The following NPNT variants were observed in gnomAD, a reference collection of about 807,000 sequenced individuals.
NPNT encodes the protein preosteoblast EGF-like repeat protein with MAM domain.
A neutral mutation model predicts 68.6 loss-of-function variants in NPNT; 45 were observed. That is an observed-to-expected ratio of 0.66 (90% CI 0.52 to 0.84). The LOEUF (loss-of-function observed/expected upper bound fraction) is 0.84, where lower values mean the gene tolerates loss of function less well. NPNT is among the 40% of genes least tolerant of loss of function. The probability of loss-of-function intolerance (pLI) is 0.00; values close to 1 mark genes in which losing one functional copy is unlikely to be tolerated. For missense variants in NPNT, 672 were observed against 714.8 expected, an observed-to-expected ratio of 0.94 and a Z score of 0.68; for synonymous variants, 233 against 253.3, an observed-to-expected ratio of 0.92 and a Z score of 0.76.
At chr4:105,941,714 A>G (rs1390376431) in intron 7 of NPNT, among the ~76,000 whole-genome samples, 2 of 152,202 alleles carry the variant, frequency 1.3e-5, no homozygotes, top group Non-Finnish European at 2.9e-5. Flanking sequence ...GAAAATGTCT[A>G]TTTAAAAGCA....
Position 105,897,952 on chromosome 4 carries a change from G to T in NPNT, c.123G>T (p.Arg41Ser). The T allele has an allele frequency of 6.2e-7, 1 of 1,613,624 alleles. No individual in the cohort carries two copies. The highest frequency in any genetic ancestry group is 8.5e-7 in the Non-Finnish European group (1 of 1,179,850). The change falls in exon 2 of 12, where the codon AGG becomes AGT. Residue 41 changes from arginine (R) to serine (S), a missense_variant. Transcript: ENST00000379987. ...TTGGCCTATGTCGTTATGGTGGGAGGATTGACTGCTGCTGGGGCTGGGCTC... is the reference window on the plus strand; with the variant it reads ...TTGGCCTATGTCGTTATGGTGGGAGTATTGACTGCTGCTGGGGCTGGGCTC... ...SSIGLCRYGG[R>S]IDCCWGWARQ...
At chr4:105,953,515 A>T (rs1297874585) in intron 8 of NPNT, among the ~76,000 whole-genome samples, 1 of 152,164 alleles carries the variant, frequency 6.6e-6, no homozygotes, top group Non-Finnish European at 1.5e-5. Context: ...AATTTCAGAA[A>T]CTAATTTCCA....
chr4:105,931,748 G>T (rs1729128147), intron 3 of NPNT, among the ~76,000 whole-genome samples: 1 of 151,916 alleles, frequency 6.6e-6, no homozygotes, highest in Non-Finnish European at 1.5e-5. Context: ...GCTGTGGCAG[G>T]AGAATGGTGT....
At chr4:105,920,001 T>C (rs1728124515) in intron 2 of NPNT, among the ~76,000 whole-genome samples, 2 of 152,076 alleles carry the variant, frequency 1.3e-5, no homozygotes, top group South Asian at 4.1e-4. Flanking sequence ...GATTGTAAAG[T>C]TCTGTTTTTC....
intron 2 of NPNT, among the ~76,000 whole-genome samples, chr4:105,899,764 TA>T (rs1394917621): frequency 6.6e-6 from 1 of 152,264 alleles, no homozygotes; most frequent in Admixed American, 6.5e-5. Context: ...GGTGAGGTTG[TA>T]AAAATTAGCT....
At chr4:105,918,049 C>CT (rs1727959432) in intron 2 of NPNT, among the ~76,000 whole-genome samples, 1 of 152,180 alleles carries the variant, frequency 6.6e-6, no homozygotes, top group South Asian at 2.1e-4. Flanking sequence ...CACAGAAAGA[C>CT]TGTTGTGCCA....
chr4:105,897,897 G>A lies in NPNT; in HGVS notation c.72-4G>A, dbSNP rs201921607. 5.6e-6 allele frequency: 9 copies of A among 1,602,952 alleles called. No homozygotes were observed. In the East Asian group the frequency reaches 1.8e-4, roughly 32 times the overall value. On this transcript the variant is annotated splice_region_variant and splice_polypyrimidine_tract_variant and intron_variant, in intron 1 of 11. Transcript: ENST00000379987. ...TATTTATTTTGAATCTTTTTTTTTG[G>A]TAGGTGGCCCAGGCAAATAGTGTCA...
At chr4:105,919,169 T>A (rs570725331) in intron 2 of NPNT, among the ~76,000 whole-genome samples, 1 of 152,284 alleles carries the variant, frequency 6.6e-6, no homozygotes, top group East Asian at 1.9e-4. Context: ...AAAAAAATTT[T>A]AAATCCACAG....
chr4:105,905,813 G>A (rs982367712), intron 2 of NPNT, among the ~76,000 whole-genome samples: 1 of 152,104 alleles, frequency 6.6e-6, no homozygotes, highest in African/African-American at 2.4e-5. Flanking sequence ...AGTAATTGAA[G>A]AGGTTTCATT....
At chr4:105,898,758 G>T (rs1336349197) in intron 2 of NPNT, among the ~76,000 whole-genome samples, 2 of 152,118 alleles carry the variant, frequency 1.3e-5, no homozygotes, top group African/African-American at 4.8e-5. Flanking sequence ...TACATCAAAA[G>T]AGTTTGAGAA....
At chr4:105,928,310 T>G (rs1253329209) in intron 3 of NPNT, among the ~76,000 whole-genome samples, 1 of 152,156 alleles carries the variant, frequency 6.6e-6, no homozygotes, top group Non-Finnish European at 1.5e-5. Context: ...TTAATTAAAT[T>G]CAGTTAAAAA....
intron 1 of NPNT, among the ~76,000 whole-genome samples, chr4:105,896,583 A>G (rs562692127): frequency 6.6e-6 from 1 of 152,268 alleles, no homozygotes; most frequent in South Asian, 2.1e-4. Context: ...ACTCTGGCGC[A>G]CACCGTCGCC....
chr4:105,895,894 C>G lies in NPNT; in HGVS notation c.71+171C>G, dbSNP rs575206476. 6.5e-5 allele frequency: 40 copies of G among 611,166 alleles called. No individual in the cohort carries two copies. The South Asian group carries it at 8.0e-4, about 12-fold the overall frequency. 37.9% of individuals were successfully genotyped at this position (611,166 alleles called of 1,614,324 possible). A position where few individuals can be genotyped will look rare whatever the true frequency, so the allele number is the denominator to read the frequency against. ...GAGAGCGGTCCAGCGGCTCCGAGTG[C>G]CCGCCCGAGGCGGAGAGGGCGCGCC... On this transcript the variant is annotated intron_variant, in intron 1 of 11. Coordinates refer to ENST00000379987, the MANE Select transcript of NPNT (RefSeq NM_001033047.3).
chr4:105,964,163 A>G (rs1449407817), intron 10 of NPNT, among the ~76,000 whole-genome samples: 1 of 152,214 alleles, frequency 6.6e-6, no homozygotes, highest in Non-Finnish European at 1.5e-5. Flanking sequence ...CAGAGTTACC[A>G]CTAAAATAGT....
intron 2 of NPNT, among the ~76,000 whole-genome samples, chr4:105,925,548 G>A (rs1728617782): frequency 6.6e-6 from 1 of 152,110 alleles, no homozygotes; most frequent in Non-Finnish European, 1.5e-5. Flanking sequence ...AACAATGTTT[G>A]ATAATTATCA....
chr4:105,899,473 A>G (rs115084003), intron 2 of NPNT, among the ~76,000 whole-genome samples: 6 of 152,268 alleles, frequency 3.9e-5, no homozygotes, highest in Admixed American at 3.9e-4. Flanking sequence ...ACAATATTGA[A>G]TAGACTAACC....
intron 10 of NPNT, among the ~76,000 whole-genome samples, chr4:105,964,412 A>T (rs1731960154): frequency 6.6e-6 from 1 of 152,224 alleles, no homozygotes; most frequent in Non-Finnish European, 1.5e-5. Context: ...ATAAATTCCT[A>T]AATGTGGAAT....
chr4:105,920,423 C>G (rs1405601213), intron 2 of NPNT, among the ~76,000 whole-genome samples: 2 of 121,504 alleles, frequency 1.6e-5, no homozygotes, highest in Non-Finnish European at 3.2e-5. Flanking sequence ...AAAAAAACTT[C>G]ACATTTCCAA....
intron 2 of NPNT, among the ~76,000 whole-genome samples, chr4:105,904,022 G>C (rs1401034248): frequency 6.6e-6 from 1 of 151,944 alleles, no homozygotes; most frequent in African/African-American, 2.4e-5. Flanking sequence ...GAGCTCAACT[G>C]ATCTGCCCAC....
Sources: allele counts gnomAD v4.1 joint callset (sites outside exome capture counted in the v4.1 genomes callset), GRCh38; gene constraint gnomAD v4.1.1; transcripts MANE v1.5; gene names NCBI Gene and HGNC (gene_info 2026-07-23, HGNC 2026-07-21).